FOXP2: variants seen among roughly 807,000 people sequenced by gnomAD.
FOXP2 encodes forkhead box protein P2.
A neutral mutation model predicts 115.8 loss-of-function variants in FOXP2; 12 were observed. The observed-to-expected ratio is 0.10, with a 90% CI of 0.07 to 0.17. The LOEUF (loss-of-function observed/expected upper bound fraction) is 0.17. Among genes scored for constraint, FOXP2 ranks in the 10% least tolerant of loss-of-function variants. The pLI, the probability that FOXP2 is intolerant of heterozygous loss-of-function variation, is 1.00. For missense variants in FOXP2, 629 were observed against 843.5 expected (o/e 0.75, Z 3.15); for synonymous variants, 328 against 297.7 (o/e 1.10, Z -1.05).
At position 114,381,515 on chromosome 7, in the gene FOXP2, G is replaced by A. The variant is rs547796869; in HGVS notation, c.-10-44987G>A. Among the ~76,000 whole-genome samples the A allele has an allele frequency of 2.6e-5, 4 of 152,304 alleles. No individual in the cohort carries two copies. The East Asian group carries it at 5.8e-4, about 22-fold the overall frequency. On this transcript the variant is annotated intron_variant, in intron 2 of 17. Transcript: ENST00000634411. ...TAAAACAGTCCAGGTGAGTTGAGAC[G>A]TTGGGTTCGAAGGATCTTTAAAGGC...
intron 3 of FOXP2, among the ~76,000 whole-genome samples, chr7:114,576,267 T>C (rs975276589): frequency 2.0e-5 from 3 of 151,912 alleles, no homozygotes; most frequent in African/African-American, 7.2e-5. Context: ...AATCTTTTTT[T>C]CTACTGTAAT....
intron 2 of FOXP2, among the ~76,000 whole-genome samples, chr7:114,312,958 G>T (rs1043077948): frequency 1.3e-5 from 2 of 152,194 alleles, no homozygotes; most frequent in African/African-American, 2.4e-5. Context: ...GACCCATGGA[G>T]AACCCATCAA....
intron 3 of FOXP2, among the ~76,000 whole-genome samples, chr7:114,626,177 A>G (rs1018709977): frequency 2.0e-5 from 3 of 151,872 alleles, no homozygotes; most frequent in Non-Finnish European, 3.0e-5. Context: ...AGGAGTAAAA[A>G]TAATCATCTA....
chr7:114,194,667 T>C (rs1793855980), intron 1 of FOXP2, among the ~76,000 whole-genome samples: 1 of 152,110 alleles, frequency 6.6e-6, no homozygotes, highest in Non-Finnish European at 1.5e-5. Flanking sequence ...CTTTTTGTTT[T>C]TAATTAAAGC....
intron 1 of FOXP2, among the ~76,000 whole-genome samples, chr7:114,107,387 T>C (rs1396738280): frequency 6.6e-6 from 1 of 152,016 alleles, no homozygotes; most frequent in African/African-American, 2.4e-5. Context: ...CTATCTTATA[T>C]ATACTATTGA....
intron 2 of FOXP2, among the ~76,000 whole-genome samples, chr7:114,481,796 C>A (rs1233771475): frequency 6.6e-6 from 1 of 150,922 alleles, no homozygotes; most frequent in South Asian, 2.1e-4. Flanking sequence ...ATCTATCTAT[C>A]TATCTATCTA....
At chr7:114,336,916 T>A (rs894341844) in intron 2 of FOXP2, among the ~76,000 whole-genome samples, 7 of 151,522 alleles carry the variant, frequency 4.6e-5, no homozygotes, top group Non-Finnish European at 1.0e-4. Context: ...ACAAAAGGAA[T>A]TCAGTGATTA....
At chr7:114,302,090 A>T (rs1361329999) in intron 2 of FOXP2, among the ~76,000 whole-genome samples, 1 of 152,186 alleles carries the variant, frequency 6.6e-6, no homozygotes, top group Non-Finnish European at 1.5e-5. Flanking sequence ...TTGAATTTTA[A>T]CTTCTAGATT....
chr7:114,675,900 TTTATTATTA>T (rs575552175), intron 16 of FOXP2, among the ~76,000 whole-genome samples: 2 of 150,162 alleles, frequency 1.3e-5, no homozygotes, highest in Admixed American at 6.6e-5. Flanking sequence ...TTTATTTTAT[TTTATTATTA>T]TTATTATTAT....
chr7:114,337,351 A>G (rs1380574632), intron 2 of FOXP2, among the ~76,000 whole-genome samples: 1 of 151,354 alleles, frequency 6.6e-6, no homozygotes. Flanking sequence ...TTTTTAAAAG[A>G]AAAGATTCAT....
chr7:114,601,328 AT>A (rs1350663112), intron 3 of FOXP2, among the ~76,000 whole-genome samples: 1 of 152,126 alleles, frequency 6.6e-6, no homozygotes, highest in Non-Finnish European at 1.5e-5. Context: ...ATAAAAATTA[AT>A]TTTTTAAATG....
At chr7:114,628,936 A>C (rs1453353207) in intron 4 of FOXP2, 6 of 451,174 alleles carry the variant, frequency 1.3e-5, no homozygotes, top group Non-Finnish European at 2.4e-5. Flanking sequence ...CAATATTTAA[A>C]TATTCAAATG....
chr7:114,220,352 C>G (rs1381384973), intron 1 of FOXP2, among the ~76,000 whole-genome samples: 2 of 152,062 alleles, frequency 1.3e-5, no homozygotes, highest in Non-Finnish European at 2.9e-5. Context: ...TATACAATTA[C>G]ATAACAGTTT....
intron 11 of FOXP2, among the ~76,000 whole-genome samples, chr7:114,659,010 G>A (rs1031049612): frequency 6.6e-6 from 1 of 152,104 alleles, no homozygotes; most frequent in African/African-American, 2.4e-5. Flanking sequence ...ACTTTAAGAC[G>A]TATTAGATGA....
At chr7:114,144,414 A>G (rs1792307158) in intron 1 of FOXP2, among the ~76,000 whole-genome samples, 1 of 152,066 alleles carries the variant, frequency 6.6e-6, no homozygotes, top group Non-Finnish European at 1.5e-5. Flanking sequence ...GTGACATTTA[A>G]ATTTTAATAG....
In FOXP2 at chr7:114,116,630, A is replaced by T. The variant is rs565567912; in HGVS notation, c.-247+28792A>T. ...GATAAGAGTCAAAAATTAAAAGAAT[A>T]ACAATATGACATTTAAAGATAAAAG... On this transcript the variant is annotated intron_variant, in intron 1 of 19. Coordinates refer to the FOXP2 transcript ENST00000635638. Among the ~76,000 whole-genome samples the T allele has an allele frequency of 2.2e-3, 335 of 152,308 alleles. 3 individuals carry two copies. Among genetic ancestry groups the T allele is most frequent in the Non-Finnish European group, 2.5e-3 (171 of 68,014 alleles).
chr7:114,652,820 T>C (rs1806350905), intron 9 of FOXP2, among the ~76,000 whole-genome samples: 1 of 152,174 alleles, frequency 6.6e-6, no homozygotes, highest in African/African-American at 2.4e-5. Flanking sequence ...AGGCAGATAA[T>C]TTATATCACA....
intron 3 of FOXP2, among the ~76,000 whole-genome samples, chr7:114,545,115 A>G (rs1799852720): frequency 1.3e-5 from 2 of 152,192 alleles, no homozygotes; most frequent in South Asian, 2.1e-4. Context: ...CCTACAGAGT[A>G]GTATATAAGA....
At chr7:114,531,540 C>A (rs571107325) in intron 2 of FOXP2, among the ~76,000 whole-genome samples, 1 of 151,848 alleles carries the variant, frequency 6.6e-6, no homozygotes, top group Non-Finnish European at 1.5e-5. Context: ...AGAATGCAAA[C>A]TGCCAGAGCT....
Sources: gnomAD v4.1 joint callset for allele counts (sites outside exome capture counted in the v4.1 genomes callset) on GRCh38, gnomAD v4.1.1 for gene constraint, MANE v1.5 for transcripts, NCBI Gene and HGNC (gene_info 2026-07-23, HGNC 2026-07-21) for gene names.